The following FBN3 variants were observed in gnomAD, a reference collection of about 807,000 sequenced individuals.
FBN3 encodes fibrillin-3.
Under a neutral mutation model 330.1 loss-of-function variants are expected in FBN3, and 234 were observed. That is an observed-to-expected ratio of 0.71 (90% CI 0.64 to 0.79). FBN3 has a LOEUF of 0.79. FBN3 is among the 30% of genes least tolerant of loss of function. FBN3 has a pLI of 0.00. For missense variants in FBN3, 3,606 were observed against 3,886.9 expected, an observed-to-expected ratio of 0.93 and a Z score of 1.92; for synonymous variants, 1,458 against 1,517.3, an observed-to-expected ratio of 0.96 and a Z score of 0.91.
At chr19:8,101,155 C>T (rs2082319420) in intron 40 of FBN3, among the ~76,000 whole-genome samples, 183 bp from the exon 41 acceptor site, 1 of 152,070 alleles carries the variant, frequency 6.6e-6, no homozygotes, top group Non-Finnish European at 1.5e-5. Context: ...GACAAAGTCT[C>T]GTTCTGTCAC....
chr19:8,103,459 GCTTACCCT>G (rs2082371837), intron 39 of FBN3, 95 bp downstream of exon 39: 45 of 1,232,618 alleles, frequency 3.7e-5, no homozygotes, highest in Non-Finnish European at 5.0e-5. Context: ...CTTCATATAT[GCTTACCCT>G]CCCTCTCCAT....
At chr19:8,122,949 C>T (rs2082888545) in intron 24 of FBN3, among the ~76,000 whole-genome samples, 1 of 151,886 alleles carries the variant, frequency 6.6e-6, no homozygotes, top group South Asian at 2.1e-4. Flanking sequence ...AAATGTGAGC[C>T]ACCGCGCCCA....
At position 8,111,635 on chromosome 19, in the gene FBN3, C is replaced by T. The variant is rs1395501124; in HGVS notation, c.4084+13G>A. On this transcript the variant is annotated intron_variant, in intron 32 of 63. Transcript: ENST00000600128. Reference sequence around the variant, plus strand: ...CCTCTAGGGCCCCTGCCCTCCCACCCCTCTAATCTCACCTTCGCAGAAGAA... The same window carrying T: ...CCTCTAGGGCCCCTGCCCTCCCACCTCTCTAATCTCACCTTCGCAGAAGAA... The T allele has an allele frequency of 6.3e-7, 1 of 1,590,804 alleles. No homozygotes were observed. The highest frequency in any genetic ancestry group is 2.3e-5 in the East Asian group (1 of 43,332).
intron 18 of FBN3, 34 bp from the exon 19 acceptor site, chr19:8,126,866 G>A (rs904834547): frequency 5.3e-6 from 8 of 1,516,696 alleles, no homozygotes; most frequent in African/African-American, 1.4e-5. Context: ...GTCCTGAGCT[G>A]CAGGAGGAGT....
In FBN3 at chr19:8,117,568, C is replaced by A. The variant is rs770738836; in HGVS notation, c.3359G>T (p.Ser1120Ile). 1 of 1,554,860 alleles carries A rather than the reference C, an allele frequency of 6.4e-7. No individual in the cohort carries two copies. Among genetic ancestry groups the A allele is most frequent in the Admixed American group, 1.9e-5 (1 of 51,612 alleles). Residue 1120 changes from serine to isoleucine, a missense_variant, in exon 27 of 64, where the codon AGT becomes ATT. Coordinates refer to ENST00000600128, the MANE Select transcript of FBN3 (RefSeq NM_032447.5). The part of the protein sequence containing the change: ...ACEDIDECSL[S>I]DGLCPHGQCV... ...CTGGCCATGGGGACACAGGCCATCA[C>A]TCAGGGAGCACTCATCGATGTCTGT...
chr19:8,117,741 C>T, intron 26 of FBN3, 152 bp from the exon 27 acceptor site: 1 of 886,542 alleles, frequency 1.1e-6, no homozygotes, highest in South Asian at 1.8e-5. Context: ...CTTGCATTCA[C>T]TCACATGCAA....
intron 59 of FBN3, among the ~76,000 whole-genome samples, 177 bp from the exon 60 acceptor site, chr19:8,075,588 G>A (rs998373308): frequency 2.0e-5 from 3 of 152,208 alleles, no homozygotes; most frequent in Admixed American, 6.5e-5. Context: ...AGGCACCAAT[G>A]TTTGAGATCC....
Position 8,087,877 on chromosome 19 carries a change from C to T in FBN3, c.6567G>A (p.Leu2189=), listed in dbSNP as rs1352358419. 2 of 1,614,138 alleles carry T rather than the reference C, an allele frequency of 1.2e-6. No homozygotes were observed. The highest frequency in any genetic ancestry group is 2.2e-5 in the South Asian group (2 of 91,080). ...GGGTGTAGCCGGCTGGACAGGTGCA[C>T]AGGTAGGAGCCCTCGGTATTGTGGC... ...FRCHNTEGSY[L]CTCPAGYTLR... The change falls in exon 53 of 64, where the codon CTG becomes CTA. Residue 2189 remains leucine (L), a synonymous_variant. Transcript: ENST00000600128.
chr19:8,142,301 G>A (rs563253575), intron 6 of FBN3, among the ~76,000 whole-genome samples, 164 bp from the exon 7 acceptor site: 20 of 152,050 alleles, frequency 1.3e-4, no homozygotes, highest in African/African-American at 4.6e-4. Context: ...CCTACCTAAC[G>A]AACTCCTATT....
In FBN3 at chr19:8,124,015, G is replaced by T; in HGVS notation, c.2732-7C>A. The T allele has an allele frequency of 6.2e-7, 1 of 1,609,740 alleles. No individual in the cohort carries two copies. On this transcript the variant is annotated splice_region_variant and splice_polypyrimidine_tract_variant and intron_variant, in intron 22 of 63. Transcript: ENST00000600128. ...CATGGTTCCAATCTCACATCTGCAC[G>T]GGGGACAGTCACTGCGTCCCCACCC... is the stretch of plus-strand genomic sequence containing the variant.
At chr19:8,074,216 T>C (rs2081587777) in intron 61 of FBN3, among the ~76,000 whole-genome samples, 1 of 151,648 alleles carries the variant, frequency 6.6e-6, no homozygotes, top group Admixed American at 6.6e-5. Flanking sequence ...GGAAACAAGT[T>C]GAGGAAGAGT....
rs753243238 is a variant in FBN3 at position 8,109,321 on chromosome 19, G to A, written c.4524C>T (p.Ala1508=). The change falls in exon 36 of 64, where the codon GCC becomes GCT. Residue 1508 remains alanine (A), a synonymous_variant. Coordinates refer to ENST00000600128, the MANE Select transcript of FBN3 (RefSeq NM_032447.5). The surrounding 1 kb of genome is among the most constrained non-coding windows in gnomAD (Gnocchi z 5.2). ...CTCGGGTGACACCAACTCCGATCTC[G>A]GCACTGCAGGAAATGCCACTGTCCC... ...DRGDSGISCS[A]EIGVGVTRAS... The A allele has an allele frequency of 1.3e-5, 21 of 1,614,154 alleles. No homozygotes were observed. In the Admixed American group the frequency reaches 1.8e-4, roughly 14 times the overall value.
At position 8,066,259 on chromosome 19, in the gene FBN3, A is replaced by G; in HGVS notation, c.8090T>C (p.Val2697Ala). 6.5e-7 allele frequency: 1 copy of G among 1,542,292 alleles called. No individual in the cohort carries two copies. The highest frequency in any genetic ancestry group is 2.4e-5 in the East Asian group (1 of 42,214). ...CTCGGAGTCAAGGGTGGCCAGGTTCACCTGGGAAGAAAGGCCAGGTGTGTG... is the reference window on the plus strand; with the variant it reads ...CTCGGAGTCAAGGGTGGCCAGGTTCGCCTGGGAAGAAAGGCCAGGTGTGTG... ...PRRSAHRDHQ[V>A]NLATLDSEAL... The change falls in exon 64 of 64, where the codon GTG (valine) becomes GCG (alanine). Residue 2697 changes from valine (V) to alanine (A), a missense_variant and splice_region_variant. Physicochemically the swap from Val to Ala is moderately conservative, Grantham distance 64. Transcript: ENST00000600128.
Position 8,126,327 on chromosome 19 carries a change from A to G in FBN3, c.2575T>C (p.Phe859Leu). The change falls in exon 21 of 64, where the codon TTT becomes CTT. Residue 859 changes from phenylalanine (F) to leucine (L), a missense_variant. Transcript: ENST00000600128. ...CAGGTGACACCCGTCATCCGGGCAA[A>G]GCCCCGGGCACAGGCAGGGTCTGCA... ...CEIDPACARG[F>L]ARMTGVTCDD... 6.3e-7 allele frequency: 1 copy of G among 1,590,456 alleles called. No individual in the cohort carries two copies. Among genetic ancestry groups the G allele is most frequent in the Non-Finnish European group, 8.5e-7 (1 of 1,170,384 alleles).
chr19:8,136,813 TG>T (rs2083292503), intron 10 of FBN3, among the ~76,000 whole-genome samples: 1 of 126,888 alleles, frequency 7.9e-6, no homozygotes. Context: ...CCCTCCAACC[TG>T]GGGTCTAGAT....
intron 48 of FBN3, among the ~76,000 whole-genome samples, chr19:8,091,004 C>G (rs1488600695): frequency 6.6e-6 from 1 of 152,168 alleles, no homozygotes; most frequent in Non-Finnish European, 1.5e-5. Context: ...GGGGTCCCAG[C>G]CTCCCAGAAC....
At chr19:8,085,226 CACA>C in intron 56 of FBN3, 134 bp downstream of exon 56, 1 of 426,574 alleles carries the variant, frequency 2.3e-6, no homozygotes, top group South Asian at 3.0e-5. Context: ...CAAAGACACA[CACA>C]CACACACACA....
intron 1 of FBN3, chr19:8,148,781 C>T (rs76856028): frequency 0.06 from 9,089 of 152,400 alleles, 341 homozygotes; most frequent in Non-Finnish European, 0.092. Flanking sequence ...AGGGAGAGAC[C>T]CCTGTCAACG....
rs1004581086 is a variant in FBN3 at position 8,125,748 on chromosome 19, G to A, written c.2731+144C>T. On this transcript the variant is annotated intron_variant, in intron 22 of 63. Coordinates refer to ENST00000600128, the MANE Select transcript of FBN3 (RefSeq NM_032447.5). ...GGAAGTTACAGTGAGCCGAGATTGC[G>A]CCACTGCACTCCAGCCTGGGCGACA... is the stretch of plus-strand genomic sequence containing the variant. 6.6e-5 allele frequency: 57 copies of A among 857,182 alleles called. 1 individual carries two copies. The highest frequency in any genetic ancestry group is 7.5e-4 in the Middle Eastern group (2 of 2,676). 53.1% of individuals were successfully genotyped at this position (857,182 alleles called of 1,614,324 possible). A position where few individuals can be genotyped will look rare whatever the true frequency, so the allele number is the denominator to read the frequency against.
Sources: allele counts gnomAD v4.1 joint callset (sites outside exome capture counted in the v4.1 genomes callset), GRCh38; gene constraint gnomAD v4.1.1; non-coding constraint Gnocchi (gnomAD v3.1); transcripts MANE v1.5; gene names NCBI Gene and HGNC (gene_info 2026-07-23, HGNC 2026-07-21).